Variants in PTPRO observed in about 807,000 individuals in gnomAD.
The protein encoded by PTPRO is protein tyrosine phosphatase receptor type O.
A neutral mutation model predicts 145.2 loss-of-function variants in PTPRO; 62 were observed. That is an observed-to-expected ratio of 0.43 (90% CI 0.35 to 0.53). The LOEUF is 0.53. PTPRO is among the 20% of genes least tolerant of loss of function. The probability of loss-of-function intolerance (pLI) is 0.01; values close to 1 mark genes in which losing one functional copy is unlikely to be tolerated. For missense variants in PTPRO, 1,345 were observed against 1,482.7 expected, an observed-to-expected ratio of 0.91 and a Z score of 1.53; for synonymous variants, 565 against 514.7, an observed-to-expected ratio of 1.10 and a Z score of -1.32.
intron 1 of PTPRO, among the ~76,000 whole-genome samples, chr12:15,453,076 A>G (rs373283385): frequency 6.6e-6 from 1 of 152,098 alleles, no homozygotes. Flanking sequence ...TCAAAAACCC[A>G]TCATAGAAAA....
chr12:15,558,501 A>C (rs190544399), intron 16 of PTPRO, among the ~76,000 whole-genome samples: 1 of 152,252 alleles, frequency 6.6e-6, no homozygotes, highest in African/African-American at 2.4e-5. Flanking sequence ...GATGAAGATT[A>C]ACAATCCTAT....
chr12:15,455,984 AT>A (rs1488070643), intron 1 of PTPRO, among the ~76,000 whole-genome samples: 1 of 152,156 alleles, frequency 6.6e-6, no homozygotes, highest in Non-Finnish European at 1.5e-5. Context: ...CTGCACATGT[AT>A]CCCAGAACTT....
intron 1 of PTPRO, among the ~76,000 whole-genome samples, chr12:15,445,651 C>A (rs1363608095): frequency 6.6e-6 from 1 of 152,084 alleles, no homozygotes; most frequent in Non-Finnish European, 1.5e-5. Context: ...TGTGCTTACA[C>A]TAAATGGTGG....
rs537975432 is a variant in PTPRO, at chr12:15,546,339, G to T, written c.2165-230G>T. 132 of 1,369,048 alleles carry T rather than the reference G, an allele frequency of 9.6e-5. No individual in the cohort carries two copies. In the African/African-American group the frequency reaches 1.8e-3, roughly 18 times the overall value. The allele number at this position is 1,369,048 out of a possible 1,614,324, so 84.8% of individuals were successfully genotyped here. A position where few individuals can be genotyped will look rare whatever the true frequency, so the allele number is the denominator to read the frequency against. ...TGAAACTGAAGTAGAAAACAGAAGTGTTCTGAAAAGAGAAGTAAAAAAATG... is the reference window on the plus strand; with the variant it reads ...TGAAACTGAAGTAGAAAACAGAAGTTTTCTGAAAAGAGAAGTAAAAAAATG... On this transcript the variant is annotated intron_variant, in intron 12 of 26. Coordinates refer to ENST00000281171, the MANE Select transcript of PTPRO (RefSeq NM_030667.3).
chr12:15,392,291 C>G (rs1367453198), intron 1 of PTPRO, among the ~76,000 whole-genome samples: 1 of 152,194 alleles, frequency 6.6e-6, no homozygotes, highest in Non-Finnish European at 1.5e-5. Flanking sequence ...TTCTGCTCCT[C>G]CAGGGAAACT....
intron 1 of PTPRO, among the ~76,000 whole-genome samples, chr12:15,442,497 G>C (rs1476756441): frequency 6.6e-6 from 1 of 152,100 alleles, no homozygotes; most frequent in Non-Finnish European, 1.5e-5. Context: ...GGTAGCCAGA[G>C]CAATCAGGCA....
intron 1 of PTPRO, among the ~76,000 whole-genome samples, chr12:15,421,662 C>A (rs1235351160): frequency 6.6e-6 from 1 of 152,144 alleles, no homozygotes; most frequent in African/African-American, 2.4e-5. Context: ...ACAATGGTAT[C>A]AGATTGTTTA....
Position 15,485,565 on chromosome 12 carries a change from A to G in PTPRO, c.349+1318A>G, listed in dbSNP as rs79485090. Among the ~76,000 whole-genome samples, 354 of 152,274 alleles carry G rather than the reference A, an allele frequency of 2.3e-3. 1 individual carries two copies. The highest frequency in any genetic ancestry group is 8.1e-3 in the African/African-American group (336 of 41,566). Reference sequence around the variant, plus strand: ...ATTAGTACAATTTAGTTGAGCAAGTAATAGGAGAGACCCGGGGGGAAAAAT... The same window carrying G: ...ATTAGTACAATTTAGTTGAGCAAGTGATAGGAGAGACCCGGGGGGAAAAAT... On this transcript the variant is annotated intron_variant, in intron 2 of 26. Coordinates refer to ENST00000281171, the MANE Select transcript of PTPRO (RefSeq NM_030667.3).
Position 15,420,741 on chromosome 12 carries a change from A to C in PTPRO, c.76-63233A>C, listed in dbSNP as rs1337069218. Among the ~76,000 whole-genome samples the C allele has an allele frequency of 2.0e-5, 3 of 152,354 alleles. No individual in the cohort carries two copies. The South Asian group carries it at 6.2e-4, about 32-fold the overall frequency. On this transcript the variant is annotated intron_variant, in intron 1 of 26. Coordinates refer to ENST00000281171, the MANE Select transcript of PTPRO (RefSeq NM_030667.3). ...AGTAAAACTTGACATCATACTGCCT[A>C]TCTTTCAGTACTTATTGTTCTGTGA...
intron 25 of PTPRO, among the ~76,000 whole-genome samples, chr12:15,593,696 G>T (rs1251482401): frequency 6.6e-6 from 1 of 151,928 alleles, no homozygotes; most frequent in African/African-American, 2.4e-5. Flanking sequence ...ACATTAAATT[G>T]GATTATTTTC....
At chr12:15,515,875 T>G (rs112747124) in intron 8 of PTPRO, among the ~76,000 whole-genome samples, 2 of 151,902 alleles carry the variant, frequency 1.3e-5, no homozygotes, top group African/African-American at 4.8e-5. Flanking sequence ...AGTAAAGCTG[T>G]GTGCCGTGGC....
At chr12:15,575,811 C>T (rs944472631) in intron 19 of PTPRO, among the ~76,000 whole-genome samples, 2 of 152,208 alleles carry the variant, frequency 1.3e-5, no homozygotes, top group Non-Finnish European at 2.9e-5. Flanking sequence ...TTTTCTTTGC[C>T]TCTTTCAGCT....
intron 1 of PTPRO, among the ~76,000 whole-genome samples, chr12:15,394,776 G>T (rs77362355): frequency 2.0e-5 from 3 of 152,046 alleles, no homozygotes; most frequent in African/African-American, 7.2e-5. Flanking sequence ...AGGTTCTTCC[G>T]TCTATAGAGT....
intron 1 of PTPRO, among the ~76,000 whole-genome samples, chr12:15,483,358 T>C (rs1486545069): frequency 1.3e-5 from 2 of 152,168 alleles, no homozygotes; most frequent in Admixed American, 6.5e-5. Context: ...GCTGATCCCC[T>C]AGACACCAGC....
At chr12:15,434,938 G>A (rs1940553867) in intron 1 of PTPRO, among the ~76,000 whole-genome samples, 1 of 152,180 alleles carries the variant, frequency 6.6e-6, no homozygotes, top group Non-Finnish European at 1.5e-5. Flanking sequence ...GACAATTTCA[G>A]AATAATAGGT....
At chr12:15,440,730 T>G (rs1940740736) in intron 1 of PTPRO, among the ~76,000 whole-genome samples, 1 of 152,148 alleles carries the variant, frequency 6.6e-6, no homozygotes, top group Non-Finnish European at 1.5e-5. Flanking sequence ...GTCACTATTC[T>G]TCTATCTGAT....
intron 19 of PTPRO, among the ~76,000 whole-genome samples, chr12:15,572,444 C>T (rs1195407865): frequency 6.6e-6 from 1 of 152,076 alleles, no homozygotes; most frequent in Non-Finnish European, 1.5e-5. Context: ...AAAGAAATTG[C>T]TTTCTCATCT....
In PTPRO at chr12:15,448,339, T is replaced by TAAAAACAAA. The variant is rs1940956958; in HGVS notation, c.76-35630_76-35629insCAAAAAAAA. ...CTCTATTCTATCTTCCTGTTCCTAG[T>TAAAAACAAA]AAAAAAAAAAAAAAAAAAAAAGCAC... On this transcript the variant is annotated intron_variant, in intron 1 of 26. Transcript: ENST00000281171. 4.4e-5 allele frequency among the ~76,000 whole-genome samples: 2 copies of TAAAAACAAA among 45,020 alleles called. 1 individual carries two copies. The highest frequency in any genetic ancestry group is 8.5e-5 in the Non-Finnish European group (2 of 23,414). The allele number at this position is 45,020 out of a possible 152,430, so 29.5% of individuals were successfully genotyped here.
At position 15,379,530 on chromosome 12, in the gene PTPRO, C is replaced by CAAA. The variant is rs1211403772; in HGVS notation, c.75+56749_75+56751dup. ...TAGGTGACAGAGAAAAGCTCCATCT[C>CAAA]AAAAAAAAAAAAAAAAAAAAAAGAT... On this transcript the variant is annotated intron_variant, in intron 1 of 26. Transcript: ENST00000281171. Among the ~76,000 whole-genome samples the CAAA allele has an allele frequency of 3.5e-3, 172 of 48,636 alleles. 2 individuals are homozygous for CAAA. The highest frequency in any genetic ancestry group is 4.2e-3 in the African/African-American group (68 of 16,046). 31.9% of individuals were successfully genotyped at this position (48,636 alleles called of 152,430 possible). A position where few individuals can be genotyped will look rare whatever the true frequency, so the allele number is the denominator to read the frequency against.
Sources: allele counts gnomAD v4.1 joint callset (sites outside exome capture counted in the v4.1 genomes callset), GRCh38; gene constraint gnomAD v4.1.1; transcripts MANE v1.5; gene names NCBI Gene and HGNC (gene_info 2026-07-23, HGNC 2026-07-21).